PTPRZ1: variants seen among roughly 807,000 people sequenced by gnomAD.
The protein encoded by PTPRZ1 is receptor-type tyrosine-protein phosphatase zeta.
In PTPRZ1, 82 loss-of-function variants were observed where a neutral mutation model predicts 214.1. The ratio of observed to expected loss-of-function variants is 0.38; its 90% CI spans 0.32 to 0.46. PTPRZ1 has a LOEUF of 0.46. Ranked by LOEUF, PTPRZ1 falls within the 20% of genes least tolerant of loss-of-function variation. The probability of loss-of-function intolerance (pLI) is 1.00; values close to 1 mark genes in which losing one functional copy is unlikely to be tolerated. For synonymous variants in PTPRZ1, 945 were observed against 987.9 expected (o/e 0.96, Z 0.81); for missense variants, 2,603 against 2,748.7 (o/e 0.95, Z 1.19).
rs1798648585 is a variant in PTPRZ1 at position 122,011,143 on chromosome 7, G to A, written c.2097G>A (p.Met699Ile). Residue 699 changes from methionine to isoleucine, a missense_variant, in exon 12 of 30, where the codon ATG becomes ATA. Physicochemically the swap from Met to Ile is conservative, Grantham distance 10. This residue lies in a region of PTPRZ1 where 1,913 missense variants were observed against 1,914.3 expected (regional missense o/e 1.00). Coordinates refer to ENST00000393386, the MANE Select transcript of PTPRZ1 (RefSeq NM_002851.3). ...AGTCCTTTTCTGCAGGCCCAGTGAT[G>A]TCACAGGGTCCCTCAGTTACAGATC... is the stretch of plus-strand genomic sequence containing the variant. The part of the protein sequence containing the change: ...TTKSFSAGPV[M>I]SQGPSVTDLE... The A allele has an allele frequency of 1.9e-6, 3 of 1,614,030 alleles. No homozygotes were observed. Among genetic ancestry groups the A allele is most frequent in the Non-Finnish European group, 2.5e-6 (3 of 1,179,956 alleles).
At chr7:121,951,968 T>TTTTTTTTATTTA in intron 2 of PTPRZ1, among the ~76,000 whole-genome samples, 1 of 150,990 alleles carries the variant, frequency 6.6e-6, no homozygotes. Context: ...TATTTATTTT[T>TTTTTTTTATTTA]TTTTTTTTGA....
chr7:122,054,890 A>T, intron 26 of PTPRZ1, 51 bp from the exon 27 acceptor site: 1 of 1,493,102 alleles, frequency 6.7e-7, no homozygotes, highest in Non-Finnish European at 9.0e-7. Context: ...AATCTGACTT[A>T]TTGGTCATTT....
chr7:122,039,587 A>C lies in PTPRZ1; in HGVS notation c.5636A>C (p.Lys1879Thr). ...NFTLRNTKIK[K>T]GSQKGRPSGR... ...ACTCTAAGAAACACAAAAATAAAAAAGGTGAGTCAACAAAATGATGGGCAT... is the reference window on the plus strand; with the variant it reads ...ACTCTAAGAAACACAAAAATAAAAACGGTGAGTCAACAAAATGATGGGCAT... The change falls in exon 20 of 30, where the codon AAG (lysine) becomes ACG (threonine). Residue 1879 changes from lysine to threonine, a missense_variant and splice_region_variant. Transcript: ENST00000393386. 1 of 1,613,186 alleles carries C rather than the reference A, an allele frequency of 6.2e-7. No homozygotes were observed. The highest frequency in any genetic ancestry group is 1.1e-5 in the South Asian group (1 of 90,948).
intron 2 of PTPRZ1, among the ~76,000 whole-genome samples, chr7:121,941,447 G>GTGTA (rs1796238353): frequency 6.6e-6 from 1 of 152,188 alleles, no homozygotes. Context: ...CCAAAGCCTT[G>GTGTA]TGTATGGTCT....
At chr7:122,054,756 T>C (rs1449953062) in intron 26 of PTPRZ1, among the ~76,000 whole-genome samples, 185 bp from the exon 27 acceptor site, 3 of 152,056 alleles carry the variant, frequency 2.0e-5, no homozygotes, top group Non-Finnish European at 4.4e-5. Flanking sequence ...GGTTCCTAAG[T>C]GTGATATTTT....
chr7:121,880,130 A>T (rs1478284453), intron 1 of PTPRZ1, among the ~76,000 whole-genome samples: 2 of 152,184 alleles, frequency 1.3e-5, no homozygotes, highest in East Asian at 3.8e-4. Flanking sequence ...CAGTGTGGTA[A>T]AATGGGCTGA....
At chr7:122,029,502 G>T (rs953292542) in intron 14 of PTPRZ1, among the ~76,000 whole-genome samples, 4 of 151,892 alleles carry the variant, frequency 2.6e-5, no homozygotes, top group African/African-American at 9.7e-5. Context: ...TGTGATCTGG[G>T]AAATAGAGGA....
chr7:122,018,210 TTCTCATGCTCAG>T (rs1419829895), intron 12 of PTPRZ1, among the ~76,000 whole-genome samples: 1 of 152,184 alleles, frequency 6.6e-6, no homozygotes, highest in Non-Finnish European at 1.5e-5. Context: ...TTAGAAACCG[TTCTCATGCTCAG>T]TCATCTTGGT....
intron 12 of PTPRZ1, among the ~76,000 whole-genome samples, chr7:122,014,490 G>C (rs993239885): frequency 1.2e-4 from 18 of 152,052 alleles, no homozygotes; most frequent in Non-Finnish European, 2.4e-4. Context: ...CCAGGCTGGA[G>C]TGCAGTGGTG....
intron 1 of PTPRZ1, among the ~76,000 whole-genome samples, chr7:121,902,379 A>G (rs1189351131): frequency 1.3e-5 from 2 of 152,188 alleles, no homozygotes; most frequent in East Asian, 3.8e-4. Flanking sequence ...ATATATACCC[A>G]GCAGTGCAAT....
At chr7:121,986,154 TG>T (rs1797757804) in intron 8 of PTPRZ1, among the ~76,000 whole-genome samples, 1 of 152,200 alleles carries the variant, frequency 6.6e-6, no homozygotes. Context: ...ATAGCTACTG[TG>T]TATTGTGTGA....
At chr7:121,880,871 A>G (rs909894989) in intron 1 of PTPRZ1, among the ~76,000 whole-genome samples, 3 of 152,202 alleles carry the variant, frequency 2.0e-5, no homozygotes, top group African/African-American at 7.2e-5. Context: ...TGATCTGCCC[A>G]AAGGAGCATA....
At chr7:121,901,957 C>T (rs1376483441) in intron 1 of PTPRZ1, among the ~76,000 whole-genome samples, 1 of 152,124 alleles carries the variant, frequency 6.6e-6, no homozygotes, top group Non-Finnish European at 1.5e-5. Context: ...ATTTATTTGT[C>T]CTATCTGACT....
chr7:121,937,428 T>C (rs1796117347), intron 2 of PTPRZ1, among the ~76,000 whole-genome samples: 1 of 152,160 alleles, frequency 6.6e-6, no homozygotes, highest in Non-Finnish European at 1.5e-5. Flanking sequence ...GTGATGCACC[T>C]GGCGGCTCCC....
chr7:122,050,586 T>C (rs1378320291), intron 23 of PTPRZ1, among the ~76,000 whole-genome samples: 1 of 151,842 alleles, frequency 6.6e-6, no homozygotes, highest in African/African-American at 2.4e-5. Flanking sequence ...ATAAGAAAAA[T>C]AAATTGGCTG....
rs531937322 is a variant in PTPRZ1, at chr7:121,919,127, T to A, written c.59-9029T>A. ...CTTGTCAACTCACTTCCCAGAAAGT[T>A]TATAGTAGTTCATTCTTCTACCTGT... On this transcript the variant is annotated intron_variant, in intron 1 of 29. Transcript: ENST00000393386. Among the ~76,000 whole-genome samples the A allele has an allele frequency of 1.4e-4, 21 of 152,172 alleles. No individual in the cohort carries two copies. In the South Asian group the frequency reaches 1.7e-3, roughly 12 times the overall value.
At chr7:121,933,150 A>C (rs950209999) in intron 2 of PTPRZ1, among the ~76,000 whole-genome samples, 8 of 86,544 alleles carry the variant, frequency 9.2e-5, no homozygotes, top group East Asian at 3.3e-4. Context: ...AAGACAGTTC[A>C]GTGAAAAAAA....
chr7:121,945,553 C>G (rs1796346251), intron 2 of PTPRZ1, among the ~76,000 whole-genome samples: 1 of 152,050 alleles, frequency 6.6e-6, no homozygotes. Context: ...TAGGAGGATT[C>G]ACAGTATACC....
In PTPRZ1 at chr7:122,023,218, C is replaced by A. The variant is rs999275242; in HGVS notation, c.4988+3950C>A. ...TAATTTACCTAACTCAAGATATTCC[C>A]CTTATTTTTTGTATAAACTTTCAGA... On this transcript the variant is annotated intron_variant, in intron 13 of 29. Coordinates refer to ENST00000393386, the MANE Select transcript of PTPRZ1 (RefSeq NM_002851.3). Among the ~76,000 whole-genome samples the A allele has an allele frequency of 2.6e-5, 4 of 151,628 alleles. No homozygotes were observed. In the East Asian group the frequency reaches 5.8e-4, roughly 22 times the overall value.
Sources: allele counts gnomAD v4.1 joint callset (sites outside exome capture counted in the v4.1 genomes callset), GRCh38; gene constraint gnomAD v4.1.1; regional missense constraint gnomAD v4.1.1; transcripts MANE v1.5; gene names NCBI Gene and HGNC (gene_info 2026-07-23, HGNC 2026-07-21).